AGO3: variants seen among roughly 807,000 people sequenced by gnomAD.
AGO3 encodes argonaute RISC catalytic component 3, also known as protein argonaute-3.
A neutral mutation model predicts 105.5 loss-of-function variants in AGO3; 16 were observed. That is an observed-to-expected ratio of 0.15 (90% CI 0.10 to 0.23). AGO3 has a LOEUF of 0.23. Among genes scored for constraint, AGO3 ranks in the 10% least tolerant of loss-of-function variants. AGO3 has a pLI of 1.00. For missense variants in AGO3, 534 were observed against 1,088.0 expected, an observed-to-expected ratio of 0.49 and a Z score of 7.16; for synonymous variants, 340 against 367.3, an observed-to-expected ratio of 0.93 and a Z score of 0.85.
In AGO3 at chr1:36,030,063, A is replaced by T. The variant is rs1384577816; in HGVS notation, c.1591+2765A>T. ...CCAATAGAGTGTGGAAAATATTTGT[A>T]GCAAATAGAAACAATAAACAAATAG... On this transcript the variant is annotated intron_variant, in intron 12 of 18. Transcript: ENST00000373191. Among the ~76,000 whole-genome samples the T allele has an allele frequency of 2.0e-5, 3 of 152,216 alleles. No homozygotes were observed. The East Asian group carries it at 5.8e-4, about 29-fold the overall frequency.
chr1:35,941,335 G>A (rs1646250759), intron 1 of AGO3, among the ~76,000 whole-genome samples: 1 of 151,926 alleles, frequency 6.6e-6, no homozygotes, highest in African/African-American at 2.4e-5. Context: ...CAGCCACATA[G>A]TCTGCTGACT....
chr1:35,983,720 C>G (rs1227215041), intron 5 of AGO3, among the ~76,000 whole-genome samples: 1 of 152,218 alleles, frequency 6.6e-6, no homozygotes, highest in African/African-American at 2.4e-5. Flanking sequence ...AGGTCATACT[C>G]TCCAATGTAC....
At position 35,973,521 on chromosome 1, in the gene AGO3, C is replaced by T; in HGVS notation, c.658+10C>T. The T allele has an allele frequency of 6.4e-7, 1 of 1,560,156 alleles. No individual in the cohort carries two copies. The highest frequency in any genetic ancestry group is 1.7e-4 in the Middle Eastern group (1 of 5,854). On this transcript the variant is annotated intron_variant, in intron 5 of 18. Coordinates refer to ENST00000373191, the MANE Select transcript of AGO3 (RefSeq NM_024852.4). ...ATGCTTAATATCGATGGTAAGGGAA[C>T]TAAAGCCATATTCTGTATTGGGTGG...
At chr1:36,025,579 C>T (rs920954594) in intron 11 of AGO3, among the ~76,000 whole-genome samples, 6 of 151,994 alleles carry the variant, frequency 3.9e-5, no homozygotes, top group Admixed American at 1.3e-4. Flanking sequence ...AATTAAGCAC[C>T]GATAAGGAAT....
intron 2 of AGO3, among the ~76,000 whole-genome samples, chr1:35,952,606 A>G (rs186192714): frequency 1.1e-3 from 172 of 152,324 alleles, no homozygotes; most frequent in African/African-American, 3.9e-3. Flanking sequence ...TGGTGGTCCC[A>G]TAAGATTATA....
intron 2 of AGO3, among the ~76,000 whole-genome samples, chr1:35,956,663 G>T (rs116813004): frequency 0.056 from 8,344 of 149,412 alleles, 758 homozygotes; most frequent in African/African-American, 0.19. Context: ...CTTTTGGAGA[G>T]GGAGTCTCGC....
chr1:35,973,504 T>C lies in AGO3; in HGVS notation c.651T>C (p.Asn217=), dbSNP rs1646903864. ...CTGCCATGTGGAAAATGATGCTTAA[T>C]ATCGATGGTAAGGGAACTAAAGCCA... ...VRPAMWKMML[N]IDVSATAFYK... The change falls in exon 5 of 19, where the codon AAT becomes AAC. Residue 217 remains asparagine, a synonymous_variant. Coordinates refer to ENST00000373191, the MANE Select transcript of AGO3 (RefSeq NM_024852.4). 1 of 1,577,510 alleles carries C rather than the reference T, an allele frequency of 6.3e-7. No homozygotes were observed. Among genetic ancestry groups the C allele is most frequent in the Non-Finnish European group, 8.6e-7 (1 of 1,157,722 alleles).
In AGO3 at chr1:35,956,787, A is replaced by G. The variant is rs1571429097; in HGVS notation, c.192-10168A>G. ...CAGCCTCCTGAGTAGCTGGGACTAC[A>G]GGTGCATGCCACCATGCCTGGCTAA... On this transcript the variant is annotated intron_variant, in intron 2 of 18. Coordinates refer to ENST00000373191, the MANE Select transcript of AGO3 (RefSeq NM_024852.4). Among the ~76,000 whole-genome samples, 3 of 151,916 alleles carry G rather than the reference A, an allele frequency of 2.0e-5. No homozygotes were observed. The South Asian group carries it at 6.2e-4, about 32-fold the overall frequency.
chr1:36,010,900 C>G (rs1198633245), intron 9 of AGO3, among the ~76,000 whole-genome samples: 4 of 114,732 alleles, frequency 3.5e-5, no homozygotes, highest in Non-Finnish European at 6.8e-5. Flanking sequence ...GAGCGAAACT[C>G]TGTCAAAAAA....
At chr1:36,053,233 G>A (rs752208475) in intron 17 of AGO3, among the ~76,000 whole-genome samples, 34 of 151,488 alleles carry the variant, frequency 2.2e-4, no homozygotes, top group Non-Finnish European at 4.4e-4. Context: ...AGAAACCTTA[G>A]GGAACAGTTT....
chr1:36,014,375 C>A (rs576186554), intron 11 of AGO3, among the ~76,000 whole-genome samples: 3 of 151,918 alleles, frequency 2.0e-5, no homozygotes, highest in Non-Finnish European at 4.4e-5. Flanking sequence ...CCAGGCTGGT[C>A]TCAAACTCCT....
chr1:36,055,324 G>A lies in AGO3; in HGVS notation c.2474+179G>A, dbSNP rs1642880352. Reference sequence around the variant, plus strand: ...CTAGGCTCATTAGTAATAGAATCATGTAGTAACTTAGTTGTTTTACTACAT... The same window carrying A: ...CTAGGCTCATTAGTAATAGAATCATATAGTAACTTAGTTGTTTTACTACAT... On this transcript the variant is annotated intron_variant, in intron 18 of 18. Transcript: ENST00000373191. The surrounding 1 kb of genome is among the most constrained non-coding windows in gnomAD (Gnocchi z 4.4). 3 of 660,118 alleles carry A rather than the reference G, an allele frequency of 4.5e-6. No homozygotes were observed. Among genetic ancestry groups the A allele is most frequent in the South Asian group, 3.9e-5 (2 of 51,442 alleles). The allele number at this position is 660,118 out of a possible 1,614,324, so 40.9% of individuals were successfully genotyped here. A position where few individuals can be genotyped will look rare whatever the true frequency, so the allele number is the denominator to read the frequency against.
chr1:36,014,142 A>T, intron 11 of AGO3, 94 bp downstream of exon 11: 1 of 1,517,682 alleles, frequency 6.6e-7, no homozygotes, highest in East Asian at 2.3e-5. Flanking sequence ...CTTAATATGA[A>T]GTATATGTAA....
At chr1:36,024,348 A>G (rs1025559880) in intron 11 of AGO3, among the ~76,000 whole-genome samples, 1 of 151,880 alleles carries the variant, frequency 6.6e-6, no homozygotes, top group Non-Finnish European at 1.5e-5. Flanking sequence ...TGTTGCCTAG[A>G]CTGGTCTCGA....
chr1:35,947,761 G>A lies in AGO3; in HGVS notation c.191+1898G>A, dbSNP rs550435167. Among the ~76,000 whole-genome samples the A allele has an allele frequency of 2.6e-5, 4 of 152,208 alleles. No homozygotes were observed. In the South Asian group the frequency reaches 6.2e-4, roughly 24 times the overall value. On this transcript the variant is annotated intron_variant, in intron 2 of 18. Transcript: ENST00000373191. ...TCTCTTTTATGTCTTTCTGTGAGCCGTCATCCACTTATGGGGACTTAACTG... is the reference window on the plus strand; with the variant it reads ...TCTCTTTTATGTCTTTCTGTGAGCCATCATCCACTTATGGGGACTTAACTG...
chr1:35,961,213 AG>A (rs1646670188), intron 2 of AGO3, among the ~76,000 whole-genome samples: 1 of 151,868 alleles, frequency 6.6e-6, no homozygotes, highest in Non-Finnish European at 1.5e-5. Context: ...GGCCCCCCAA[AG>A]TGGTGGGATT....
In AGO3 at chr1:36,070,550, A is replaced by T. The variant is rs890190843; in HGVS notation, c.*14805A>T. 24 of 152,120 alleles carry T rather than the reference A, an allele frequency of 1.6e-4. No individual in the cohort carries two copies. Among genetic ancestry groups the T allele is most frequent in the African/African-American group, 3.9e-4 (16 of 41,414 alleles). The allele number at this position is 152,120 out of a possible 1,614,324, so 9.4% of individuals were successfully genotyped here. A position where few individuals can be genotyped will look rare whatever the true frequency, so the allele number is the denominator to read the frequency against. ...TGTTGCAACAGACAAGATTTTTTTT[A>T]AAAAAAGAAAAAAGGATGCATTTTA... is the stretch of plus-strand genomic sequence containing the variant. On this transcript the variant is annotated 3_prime_UTR_variant, in exon 19 of 19. Coordinates refer to ENST00000373191, the MANE Select transcript of AGO3 (RefSeq NM_024852.4).
In AGO3 at chr1:36,035,002, A is replaced by G. The variant is rs1641940582; in HGVS notation, c.1751+669A>G. Among the ~76,000 whole-genome samples, 3 of 152,236 alleles carry G rather than the reference A, an allele frequency of 2.0e-5. No individual in the cohort carries two copies. The South Asian group carries it at 6.2e-4, about 31-fold the overall frequency. Reference sequence around the variant, plus strand: ...AAGAGGTCATTTTTCAGAGAATTGAACAAGTTCCCTTTTAATAGTTGAAGC... The same window carrying G: ...AAGAGGTCATTTTTCAGAGAATTGAGCAAGTTCCCTTTTAATAGTTGAAGC... On this transcript the variant is annotated intron_variant, in intron 13 of 18. Coordinates refer to ENST00000373191, the MANE Select transcript of AGO3 (RefSeq NM_024852.4).
rs1643068942 is a variant in AGO3 at position 36,064,787 on chromosome 1, GC to G, written c.*9046del. The G allele has an allele frequency of 6.6e-6, 1 of 152,100 alleles. No individual in the cohort carries two copies. The highest frequency in any genetic ancestry group is 2.4e-5 in the African/African-American group (1 of 41,420). 9.4% of individuals were successfully genotyped at this position (152,100 alleles called of 1,614,324 possible). A position where few individuals can be genotyped will look rare whatever the true frequency, so the allele number is the denominator to read the frequency against. Reference sequence around the variant, plus strand: ...TGATATACTATTCTGAGATACTTCAGCCCCGCACACATCAAGTACTAATTGT... The same window carrying G: ...TGATATACTATTCTGAGATACTTCAGCCCGCACACATCAAGTACTAATTGT... On this transcript the variant is annotated 3_prime_UTR_variant, in exon 19 of 19. Coordinates refer to ENST00000373191, the MANE Select transcript of AGO3 (RefSeq NM_024852.4).
Sources: gnomAD v4.1 joint callset for allele counts (sites outside exome capture counted in the v4.1 genomes callset) on GRCh38, gnomAD v4.1.1 for gene constraint, Gnocchi (gnomAD v3.1) non-coding constraint, MANE v1.5 for transcripts, NCBI Gene and HGNC (gene_info 2026-07-23, HGNC 2026-07-21) for gene names.